The following ARHGAP26 variants were observed in gnomAD, a reference collection of about 807,000 sequenced individuals.
The protein encoded by ARHGAP26 is rho GTPase-activating protein 26.
A neutral mutation model predicts 104.8 loss-of-function variants in ARHGAP26; 38 were observed. The ratio of observed to expected loss-of-function variants is 0.36; its 90% CI spans 0.28 to 0.48. The LOEUF is 0.48. Ranked by LOEUF, ARHGAP26 falls within the 20% of genes least tolerant of loss-of-function variation. The pLI, the probability that ARHGAP26 is intolerant of heterozygous loss-of-function variation, is 0.99. For synonymous variants in ARHGAP26, 341 were observed against 340.0 expected, an observed-to-expected ratio of 1.00 and a Z score of -0.03; for missense variants, 704 against 947.9, an observed-to-expected ratio of 0.74 and a Z score of 3.38.
chr5:143,086,910 G>A (rs769149103), intron 17 of ARHGAP26, among the ~76,000 whole-genome samples: 5 of 152,118 alleles, frequency 3.3e-5, no homozygotes, highest in African/African-American at 4.8e-5. Context: ...GATCCTCCCC[G>A]CCTACCCCCT....
At chr5:142,848,448 T>G (rs1241270245) in intron 1 of ARHGAP26, among the ~76,000 whole-genome samples, 1 of 152,220 alleles carries the variant, frequency 6.6e-6, no homozygotes, top group Non-Finnish European at 1.5e-5. Flanking sequence ...ATTTTCCTCC[T>G]TTACTCCCTT....
intron 1 of ARHGAP26, among the ~76,000 whole-genome samples, chr5:142,856,671 CT>C (rs1752400772): frequency 6.6e-6 from 1 of 151,656 alleles, no homozygotes; most frequent in Admixed American, 6.6e-5. Flanking sequence ...ACTTTTTTTT[CT>C]TTTTTCTACT....
intron 1 of ARHGAP26, among the ~76,000 whole-genome samples, chr5:142,865,935 A>G (rs1373493410): frequency 6.6e-6 from 1 of 152,042 alleles, no homozygotes; most frequent in Non-Finnish European, 1.5e-5. Flanking sequence ...CTTCTATAGC[A>G]TCTTCCCATG....
chr5:142,780,837 C>T (rs762684628), intron 1 of ARHGAP26, among the ~76,000 whole-genome samples: 5 of 152,174 alleles, frequency 3.3e-5, no homozygotes, highest in East Asian at 3.8e-4. Flanking sequence ...AGAAGCTTCC[C>T]GGTGGGCACT....
chr5:142,918,910 CTT>C (rs1762848729), intron 10 of ARHGAP26, among the ~76,000 whole-genome samples: 1 of 152,100 alleles, frequency 6.6e-6, no homozygotes, highest in Non-Finnish European at 1.5e-5. Context: ...CTTCTGATTT[CTT>C]TTGAAATTCA....
Position 142,934,764 on chromosome 5 carries a change from G to A in ARHGAP26, c.1107+2639G>A, listed in dbSNP as rs551111793. 3.5e-5 allele frequency among the ~76,000 whole-genome samples: 5 copies of A among 143,244 alleles called. No homozygotes were observed. In the South Asian group the frequency reaches 1.1e-3, roughly 31 times the overall value. The allele number at this position is 143,244 out of a possible 152,430, so 94.0% of individuals were successfully genotyped here. The stretch of plus-strand genomic sequence containing the variant: ...TTTGATGGATTATTTGGTGTTGGTG[G>A]ATTTTTTTTTTTTTTGGAGGGGGTT... On this transcript the variant is annotated intron_variant, in intron 11 of 22. Coordinates refer to ENST00000645722, the MANE Select transcript of ARHGAP26 (RefSeq NM_001135608.3).
Position 143,214,001 on chromosome 5 carries a change from C to G in ARHGAP26, c.2104C>G (p.Pro702Ala), listed in dbSNP as rs751316229. The change falls in exon 22 of 23, where the codon CCG becomes GCG. Residue 702 changes from proline to alanine, a missense_variant. Physicochemically the swap from Pro to Ala is conservative, Grantham distance 27. Transcript: ENST00000645722. The stretch of plus-strand genomic sequence containing the variant: ...TAAACTCCTGTTTTCACACAGCACA[C>G]CGTTCCGGAAGGCAAAAGCCTTGTA... ...TSSDSSPVST[P>A]FRKAKALYAC... 6.3e-7 allele frequency: 1 copy of G among 1,586,552 alleles called. No homozygotes were observed. Among genetic ancestry groups the G allele is most frequent in the Non-Finnish European group, 8.6e-7 (1 of 1,160,102 alleles).
At chr5:143,087,636 C>CTTTTTTTTT (rs35201189) in intron 17 of ARHGAP26, among the ~76,000 whole-genome samples, 747 of 51,554 alleles carry the variant, frequency 0.014, 234 homozygotes, top group Middle Eastern at 0.036. Context: ...CTGGCCCATT[C>CTTTTTTTTT]TTTTTTTTTT....
intron 1 of ARHGAP26, among the ~76,000 whole-genome samples, chr5:142,801,364 C>A (rs779050205): frequency 6.6e-6 from 1 of 151,970 alleles, no homozygotes; most frequent in Non-Finnish European, 1.5e-5. Context: ...ACCTTAAAAT[C>A]TTGTATGTAC....
At chr5:143,094,574 C>T (rs1488343058) in intron 17 of ARHGAP26, among the ~76,000 whole-genome samples, 2 of 152,198 alleles carry the variant, frequency 1.3e-5, no homozygotes, top group African/African-American at 4.8e-5. Context: ...CTTTTTAATT[C>T]TCAGCAAGGC....
At chr5:143,141,992 G>T (rs1354559728) in intron 19 of ARHGAP26, among the ~76,000 whole-genome samples, 1 of 152,076 alleles carries the variant, frequency 6.6e-6, no homozygotes, top group African/African-American at 2.4e-5. Context: ...CAAAGAAAAG[G>T]GTTATTACAG....
intron 1 of ARHGAP26, among the ~76,000 whole-genome samples, chr5:142,832,426 G>A (rs1018181176): frequency 6.6e-6 from 1 of 152,222 alleles, no homozygotes; most frequent in Non-Finnish European, 1.5e-5. Context: ...TCATGTGAGT[G>A]TAGAGCCGGA....
intron 1 of ARHGAP26, among the ~76,000 whole-genome samples, chr5:142,857,153 T>C (rs1248040830): frequency 1.3e-5 from 2 of 152,200 alleles, no homozygotes; most frequent in African/African-American, 4.8e-5. Flanking sequence ...AGGACACTAG[T>C]CATTGGATTT....
intron 1 of ARHGAP26, among the ~76,000 whole-genome samples, chr5:142,790,130 GCAGA>G (rs2151903442): frequency 6.6e-6 from 1 of 152,292 alleles, no homozygotes; most frequent in Admixed American, 6.5e-5. Flanking sequence ...GTTTTTGTGG[GCAGA>G]CAAACAAGTA....
At chr5:143,217,107 CAG>C (rs1200028797) in intron 22 of ARHGAP26, among the ~76,000 whole-genome samples, 1 of 152,010 alleles carries the variant, frequency 6.6e-6, no homozygotes, top group Non-Finnish European at 1.5e-5. Flanking sequence ...TCAAACCAAT[CAG>C]AAAGTGCACG....
intron 12 of ARHGAP26, among the ~76,000 whole-genome samples, chr5:143,033,281 T>C (rs1390759165): frequency 6.6e-6 from 1 of 152,244 alleles, no homozygotes; most frequent in African/African-American, 2.4e-5. Flanking sequence ...GGAGAATCTC[T>C]AACGCTGGGA....
intron 6 of ARHGAP26, among the ~76,000 whole-genome samples, chr5:142,896,965 C>T (rs572739007): frequency 4.1e-4 from 62 of 152,158 alleles, no homozygotes; most frequent in African/African-American, 1.4e-3. Flanking sequence ...TATGAGCAAA[C>T]GAGTGAAGTA....
intron 22 of ARHGAP26, among the ~76,000 whole-genome samples, chr5:143,216,969 A>G (rs1009911871): frequency 6.6e-6 from 1 of 152,040 alleles, no homozygotes; most frequent in African/African-American, 2.4e-5. Flanking sequence ...ACAGAACACT[A>G]TTATTCTGTC....
At chr5:143,077,011 G>A (rs1413489968) in intron 17 of ARHGAP26, among the ~76,000 whole-genome samples, 1 of 152,180 alleles carries the variant, frequency 6.6e-6, no homozygotes, top group Non-Finnish European at 1.5e-5. Context: ...CCTAGGAATG[G>A]AATTGCATAG....
Sources: gnomAD v4.1 joint callset for allele counts (sites outside exome capture counted in the v4.1 genomes callset) on GRCh38, gnomAD v4.1.1 for gene constraint, MANE v1.5 for transcripts, NCBI Gene and HGNC (gene_info 2026-07-23, HGNC 2026-07-21) for gene names.